Variants in CATSPERE observed in about 807,000 individuals in gnomAD.
The protein encoded by CATSPERE is cation channel sperm-associated auxiliary subunit epsilon.
A neutral mutation model predicts 114.1 loss-of-function variants in CATSPERE; 93 were observed. That is an observed-to-expected ratio of 0.81 (90% confidence interval 0.69 to 0.97). CATSPERE has a LOEUF of 0.97. Ranked by LOEUF, CATSPERE falls within the 50% of genes least tolerant of loss-of-function variation. The pLI, the probability that CATSPERE is intolerant of heterozygous loss-of-function variation, is 0.00. For missense variants in CATSPERE, 1,058 were observed against 1,131.6 expected (o/e 0.93, Z 0.93); for synonymous variants, 341 against 384.1 (o/e 0.89, Z 1.31).
chr1:244,525,825 T>A (rs537281926), intron 8 of CATSPERE, among the ~76,000 whole-genome samples: 1 of 152,248 alleles, frequency 6.6e-6, no homozygotes, highest in Non-Finnish European at 1.5e-5. Flanking sequence ...CATATACTTA[T>A]TAGTTTTGGT....
Position 244,615,950 on chromosome 1 carries a change from T to A in CATSPERE, c.2491-1579T>A, listed in dbSNP as rs868706549. On this transcript the variant is annotated intron_variant, in intron 19 of 21. Transcript: ENST00000366534. The stretch of plus-strand genomic sequence containing the variant: ...GCGATATAGTGAGACCCCCATCTCC[T>A]AAAAAAAAAAAAAAAAAAAAAGTAA... Among the ~76,000 whole-genome samples, 53 of 115,772 alleles carry A rather than the reference T, an allele frequency of 4.6e-4. 1 individual carries two copies. Among genetic ancestry groups the A allele is most frequent in the Middle Eastern group, 5.1e-3 (1 of 198 alleles). 76.0% of individuals were successfully genotyped at this position (115,772 alleles called of 152,430 possible). A position where few individuals can be genotyped will look rare whatever the true frequency, so the allele number is the denominator to read the frequency against.
chr1:244,553,616 C>CACACACACACATATATACAT (rs1661070795), intron 9 of CATSPERE, among the ~76,000 whole-genome samples: 2 of 130,182 alleles, frequency 1.5e-5, no homozygotes, highest in African/African-American at 6.4e-5. Flanking sequence ...CACACACACA[C>CACACACACACATATATACAT]ACACACACAC....
rs190999733 is a variant in CATSPERE at position 244,477,478 on chromosome 1, C to T, written c.115-63C>T. ...GGACCCAGAAAATTGAATCCTACAACGGAACCCTGAGGTGAAAAGTTTGAA... is the reference window on the plus strand; with the variant it reads ...GGACCCAGAAAATTGAATCCTACAATGGAACCCTGAGGTGAAAAGTTTGAA... On this transcript the variant is annotated intron_variant, in intron 2 of 21. Transcript: ENST00000366534. 4.1e-5 allele frequency: 36 copies of T among 885,330 alleles called. No homozygotes were observed. In the African/African-American group the frequency reaches 4.7e-4, roughly 12 times the overall value. The allele number at this position is 885,330 out of a possible 1,614,324, so 54.8% of individuals were successfully genotyped here.
intron 7 of CATSPERE, among the ~76,000 whole-genome samples, chr1:244,511,033 G>A (rs1675668745): frequency 6.6e-6 from 1 of 151,636 alleles, no homozygotes; most frequent in Admixed American, 6.6e-5. Flanking sequence ...AGTAGAGACA[G>A]GGTTTCACCA....
At position 244,504,748 on chromosome 1, in the gene CATSPERE, G is replaced by A. The variant is rs747765624; in HGVS notation, c.429+5669G>A. Among the ~76,000 whole-genome samples, 3 of 152,170 alleles carry A rather than the reference G, an allele frequency of 2.0e-5. 1 individual carries two copies. The highest frequency in any genetic ancestry group is 4.4e-5 in the Non-Finnish European group (3 of 68,034). The stretch of plus-strand genomic sequence containing the variant: ...AGAAGTAAAGTGGCATTCCCATTAC[G>A]CGCAATCAAGGGCGCATACAATCAT... On this transcript the variant is annotated intron_variant, in intron 7 of 21. Coordinates refer to ENST00000366534, the MANE Select transcript of CATSPERE (RefSeq NM_001130957.2). This position sits in a 1 kb window ranked among gnomAD's most constrained non-coding sequence, Gnocchi z 4.1.
At chr1:244,574,577 A>C (rs1235852805) in intron 11 of CATSPERE, among the ~76,000 whole-genome samples, 1 of 151,904 alleles carries the variant, frequency 6.6e-6, no homozygotes, top group Non-Finnish European at 1.5e-5. Flanking sequence ...GTTTTGCTTG[A>C]GTTTTTAAAA....
chr1:244,498,925 T>C (rs1673551339), intron 6 of CATSPERE, 77 bp from the exon 7 acceptor site: 5 of 1,065,508 alleles, frequency 4.7e-6, no homozygotes, highest in Non-Finnish European at 7.1e-6. Flanking sequence ...AAAACATGTT[T>C]ATGGTTATGT....
upstream of CATSPERE, chr1:244,451,525 C>T (rs1419743634): frequency 2.6e-6 from 3 of 1,169,054 alleles, no homozygotes; most frequent in Admixed American, 5.3e-5. The surrounding 1 kb of genome is among the most constrained non-coding windows in gnomAD (Gnocchi z 6.6). Flanking sequence ...CAAGGTGACA[C>T]CTCATTTTGG....
In CATSPERE at chr1:244,575,317, C is replaced by T. The variant is rs1282255868; in HGVS notation, c.1950+2545C>T. On this transcript the variant is annotated intron_variant, in intron 11 of 21. Coordinates refer to ENST00000366534, the MANE Select transcript of CATSPERE (RefSeq NM_001130957.2). This position sits in a 1 kb window ranked among gnomAD's most constrained non-coding sequence, Gnocchi z 4.5. ...CATGCTCTTTCACCTCCTCTGCTCTCCTCCTGGCACCAGTCCTTGACCTCT... is the reference window on the plus strand; with the variant it reads ...CATGCTCTTTCACCTCCTCTGCTCTTCTCCTGGCACCAGTCCTTGACCTCT... Among the ~76,000 whole-genome samples the T allele has an allele frequency of 6.6e-6, 1 of 152,230 alleles. No individual in the cohort carries two copies. Among genetic ancestry groups the T allele is most frequent in the Non-Finnish European group, 1.5e-5 (1 of 68,036 alleles).
intron 19 of CATSPERE, among the ~76,000 whole-genome samples, chr1:244,616,494 G>A (rs1671414319): frequency 6.6e-6 from 1 of 152,186 alleles, no homozygotes; most frequent in Non-Finnish European, 1.5e-5. Context: ...TCTGGAGGGT[G>A]GGAAGTCCAA....
At chr1:244,476,749 T>C (rs1273687852) in intron 2 of CATSPERE, among the ~76,000 whole-genome samples, 1 of 152,154 alleles carries the variant, frequency 6.6e-6, no homozygotes, top group Non-Finnish European at 1.5e-5. Flanking sequence ...AGAAAGTGAA[T>C]TGGTATACTT....
At chr1:244,569,250 T>G (rs1485643711) in intron 10 of CATSPERE, among the ~76,000 whole-genome samples, 1 of 152,192 alleles carries the variant, frequency 6.6e-6, no homozygotes, top group Non-Finnish European at 1.5e-5. Context: ...CTTCAGCTCG[T>G]CTTCCGTGGG....
At position 244,591,713 on chromosome 1, in the gene CATSPERE, T is replaced by A; in HGVS notation, c.2171T>A (p.Phe724Tyr). The stretch of plus-strand genomic sequence containing the variant: ...AAAAAAGGATGTCATCACCATGATT[T>A]TTCATACGTGATTGAAAAGTAAGAA... Reference protein sequence around the residue: ...FSKKGCHHHDFSYVIEKSYLR... With the variant: ...FSKKGCHHHDYSYVIEKSYLR... Residue 724 changes from phenylalanine (F) to tyrosine (Y), a missense_variant, in exon 15 of 22, where the codon TTT becomes TAT. This residue lies in a region of CATSPERE where 787 missense variants were observed against 905.6 expected (regional missense o/e 0.87). Transcript: ENST00000366534. 1 of 1,519,230 alleles carries A rather than the reference T, an allele frequency of 6.6e-7. No individual in the cohort carries two copies. Among genetic ancestry groups the A allele is most frequent in the East Asian group, 2.3e-5 (1 of 43,930 alleles). 94.1% of individuals were successfully genotyped at this position (1,519,230 alleles called of 1,614,324 possible).
At chr1:244,460,196 C>G (rs537443276), upstream of CATSPERE, among the ~76,000 whole-genome samples, 10 of 152,242 alleles carry the variant, frequency 6.6e-5, no homozygotes, top group Non-Finnish European at 1.2e-4. Context: ...AGACCTCCTT[C>G]TTGCCTGGAG....
intron 9 of CATSPERE, among the ~76,000 whole-genome samples, chr1:244,559,499 A>T (rs895520439): frequency 6.6e-6 from 1 of 152,200 alleles, no homozygotes; most frequent in Non-Finnish European, 1.5e-5. Flanking sequence ...AAAAAATTAG[A>T]AACAGTGGGG....
At chr1:244,521,595 T>A (rs1677582117) in intron 8 of CATSPERE, among the ~76,000 whole-genome samples, 1 of 152,178 alleles carries the variant, frequency 6.6e-6, no homozygotes, top group Admixed American at 6.6e-5. Context: ...TAAAATAAAT[T>A]TTTTTAACCT....
intron 10 of CATSPERE, among the ~76,000 whole-genome samples, chr1:244,566,399 G>A (rs1000104572): frequency 3.9e-5 from 6 of 152,092 alleles, no homozygotes; most frequent in African/African-American, 1.2e-4. Context: ...CTCTCTCGTC[G>A]ATCTGTCTGG....
chr1:244,525,907 G>A (rs1433231750), intron 8 of CATSPERE, among the ~76,000 whole-genome samples: 4 of 147,416 alleles, frequency 2.7e-5, no homozygotes, highest in Admixed American at 2.7e-4. Context: ...TGCTACTTAA[G>A]AAGCCTAGAA....
chr1:244,597,712 G>A (rs1668640848), intron 17 of CATSPERE, among the ~76,000 whole-genome samples: 1 of 152,054 alleles, frequency 6.6e-6, no homozygotes, highest in South Asian at 2.1e-4. Flanking sequence ...TTTTTGAATA[G>A]CGGTTTAATG....
Sources: allele counts gnomAD v4.1 joint callset (sites outside exome capture counted in the v4.1 genomes callset), GRCh38; gene constraint gnomAD v4.1.1; regional missense constraint gnomAD v4.1.1; non-coding constraint Gnocchi (gnomAD v3.1); transcripts MANE v1.5; gene names NCBI Gene and HGNC (gene_info 2026-07-23, HGNC 2026-07-21).